NAV2: variants seen among roughly 807,000 people sequenced by gnomAD.
NAV2 encodes helicase, APC down-regulated 1.
In NAV2, 54 loss-of-function variants were observed where a neutral mutation model predicts 223.2. The ratio of observed to expected loss-of-function variants is 0.24; its 90% CI spans 0.19 to 0.30. NAV2 has a LOEUF of 0.30. Ranked by LOEUF, NAV2 falls within the 10% of genes least tolerant of loss-of-function variation. The probability of loss-of-function intolerance (pLI) is 1.00; values close to 1 mark genes in which losing one functional copy is unlikely to be tolerated. For synonymous variants in NAV2, 1,279 were observed against 1,239.3 expected (o/e 1.03, Z -0.67); for missense variants, 2,806 against 3,147.5 (o/e 0.89, Z 2.60).
Position 20,095,705 on chromosome 11 carries a change from A to G in NAV2, c.5950A>G (p.Ile1984Val), listed in dbSNP as rs757344893. Residue 1984 changes from isoleucine to valine, a missense_variant, in exon 30 of 38, where the codon ATT (isoleucine) becomes GTT (valine). Ile to Val is a conservative substitution (Grantham distance 29, BLOSUM62 3). This residue lies in a region of NAV2 where 824 missense variants were observed against 1,069.4 expected (regional missense o/e 0.77). Transcript: ENST00000349880. ...SRPHLFLIGC[I>V]GVSGKTKWDV... ...ACCACATCTCTTTCTTATTGGCTGC[A>G]TTGGAGTTAGTGGCAAGACGAAGTG... 3.7e-6 allele frequency: 6 copies of G among 1,613,878 alleles called. No individual in the cohort carries two copies. Among genetic ancestry groups the G allele is most frequent in the Non-Finnish European group, 4.2e-6 (5 of 1,179,928 alleles).
At chr11:19,358,281 T>A (rs937739033) in intron 1 of NAV2, among the ~76,000 whole-genome samples, 4 of 152,206 alleles carry the variant, frequency 2.6e-5, no homozygotes, top group Non-Finnish European at 4.4e-5. Flanking sequence ...ATTGCAGCCT[T>A]GCATCTGCAT....
chr11:19,655,493 T>A (rs1043255706), intron 1 of NAV2, among the ~76,000 whole-genome samples: 31 of 152,078 alleles, frequency 2.0e-4, no homozygotes, highest in Non-Finnish European at 3.7e-4. Context: ...GAACCAACCC[T>A]AATGTCCAAC....
At position 20,044,090 on chromosome 11, in the gene NAV2, C is replaced by T; in HGVS notation, c.3017C>T (p.Ser1006Phe). 1 of 1,614,192 alleles carries T rather than the reference C, an allele frequency of 6.2e-7. No individual in the cohort carries two copies. The highest frequency in any genetic ancestry group is 1.1e-5 in the South Asian group (1 of 91,074). The change falls in exon 13 of 38, where the codon TCC becomes TTC. Residue 1006 changes from serine to phenylalanine, a missense_variant. Ser to Phe is a radical substitution (Grantham distance 155). Coordinates refer to ENST00000349880, the MANE Select transcript of NAV2 (RefSeq NM_145117.5). ...SDSGIKMEPGSKWRRNPSDVS... is the reference protein window; with the variant it reads ...SDSGIKMEPGFKWRRNPSDVS... ...AGCGGCATAAAAATGGAGCCAGGTT[C>T]CAAGTGGAGGCGGAATCCTTCTGAT...
At chr11:19,531,602 G>T (rs2044029984) in intron 1 of NAV2, among the ~76,000 whole-genome samples, 1 of 152,216 alleles carries the variant, frequency 6.6e-6, no homozygotes, top group African/African-American at 2.4e-5. Context: ...TGAACAACTG[G>T]AGGGATGGGA....
intron 1 of NAV2, among the ~76,000 whole-genome samples, chr11:19,564,910 G>A (rs942288766): frequency 1.3e-5 from 2 of 152,280 alleles, no homozygotes; most frequent in South Asian, 2.1e-4. Flanking sequence ...AGAGGCTGGC[G>A]GATCACCTGA....
intron 3 of NAV2, among the ~76,000 whole-genome samples, chr11:19,865,071 A>G (rs2062010828): frequency 6.6e-6 from 1 of 152,160 alleles, no homozygotes. Flanking sequence ...TTTTTCAGCT[A>G]ATTTTGGAAA....
At chr11:19,583,363 C>T (rs1175227626) in intron 1 of NAV2, among the ~76,000 whole-genome samples, 2 of 152,194 alleles carry the variant, frequency 1.3e-5, no homozygotes, top group African/African-American at 2.4e-5. Context: ...ATTGAATACC[C>T]TTTATTTCCT....
chr11:19,909,994 G>C (rs1416692312), intron 6 of NAV2, among the ~76,000 whole-genome samples: 1 of 152,138 alleles, frequency 6.6e-6, no homozygotes, highest in East Asian at 1.9e-4. Flanking sequence ...AAAGAAAATG[G>C]TAACAGTCAC....
chr11:19,637,625 T>G (rs1319978150), intron 1 of NAV2, among the ~76,000 whole-genome samples: 1 of 152,234 alleles, frequency 6.6e-6, no homozygotes, highest in Non-Finnish European at 1.5e-5. Flanking sequence ...CTTTTACTCA[T>G]GCAGAAGGCA....
intron 1 of NAV2, among the ~76,000 whole-genome samples, chr11:19,486,021 T>C (rs1277955491): frequency 6.6e-6 from 1 of 152,190 alleles, no homozygotes; most frequent in Admixed American, 6.5e-5. Context: ...AGCTTGGCAC[T>C]GCCCTTGAGG....
At chr11:19,393,757 T>G (rs911086869) in intron 1 of NAV2, among the ~76,000 whole-genome samples, 1 of 152,178 alleles carries the variant, frequency 6.6e-6, no homozygotes, top group Non-Finnish European at 1.5e-5. Context: ...TTTCTTCTTT[T>G]TTCTCTCTCC....
At position 20,096,250 on chromosome 11, in the gene NAV2, C is replaced by T. The variant is rs185773404; in HGVS notation, c.6012+483C>T. Among the ~76,000 whole-genome samples the T allele has an allele frequency of 3.2e-4, 48 of 151,840 alleles. 1 individual carries two copies. Among genetic ancestry groups the T allele is most frequent in the Admixed American group, 2.9e-3 (44 of 15,112 alleles). ...AGTGACATTAATGTCTGATCGATGG[C>T]CAGGCTCAAGGATGTTGCCATACTT... On this transcript the variant is annotated intron_variant, in intron 30 of 37. Transcript: ENST00000349880.
intron 1 of NAV2, among the ~76,000 whole-genome samples, chr11:19,697,073 A>G (rs2049363512): frequency 1.3e-5 from 2 of 152,222 alleles, no homozygotes; most frequent in South Asian, 2.1e-4. Flanking sequence ...CTTACCTCAG[A>G]ACTATCCTGG....
At chr11:19,871,586 A>G (rs1470256929) in intron 4 of NAV2, among the ~76,000 whole-genome samples, 2 of 152,106 alleles carry the variant, frequency 1.3e-5, no homozygotes, top group African/African-American at 4.8e-5. Flanking sequence ...GTCTTCTGTG[A>G]GACTTGGCCA....
intron 1 of NAV2, among the ~76,000 whole-genome samples, chr11:19,418,297 T>C (rs560027751): frequency 6.6e-6 from 1 of 152,284 alleles, no homozygotes; most frequent in African/African-American, 2.4e-5. Flanking sequence ...AGTTCTACAT[T>C]GCATCTGCTT....
intron 1 of NAV2, among the ~76,000 whole-genome samples, chr11:19,650,188 G>A (rs555625485): frequency 1.3e-5 from 2 of 152,244 alleles, no homozygotes; most frequent in African/African-American, 4.8e-5. Context: ...CATGAAGTTG[G>A]GCCGTAATCC....
At chr11:19,956,365 T>TACACAC (rs113677958) in intron 10 of NAV2, among the ~76,000 whole-genome samples, 5 of 103,806 alleles carry the variant, frequency 4.8e-5, no homozygotes, top group Admixed American at 1.9e-4. Context: ...CCGACACACA[T>TACACAC]ACACACACAC....
intron 1 of NAV2, among the ~76,000 whole-genome samples, chr11:19,613,685 C>T (rs746389884): frequency 1.3e-5 from 2 of 152,214 alleles, no homozygotes; most frequent in Middle Eastern, 3.2e-3. Context: ...AACTTTTCAT[C>T]GTGGGCAAGA....
intron 1 of NAV2, among the ~76,000 whole-genome samples, chr11:19,407,591 G>A (rs2729917): frequency 0.26 from 39,518 of 152,010 alleles, 5,486 homozygotes; most frequent in East Asian, 0.53. Context: ...TATCTCTGTG[G>A]CTGCTGTGTA....
Sources: gnomAD v4.1 joint callset for allele counts (sites outside exome capture counted in the v4.1 genomes callset) on GRCh38, gnomAD v4.1.1 for gene constraint, gnomAD v4.1.1 regional missense constraint, MANE v1.5 for transcripts, NCBI Gene and HGNC (gene_info 2026-07-23, HGNC 2026-07-21) for gene names.